Variants in SEMA7A observed in about 807,000 individuals in gnomAD.
SEMA7A encodes semaphorin 7A (JohnMiltonHagen blood group).
SEMA7A carries 21 observed loss-of-function variants against 67.5 expected under a neutral mutation model. The observed-to-expected ratio is 0.31, with a 90% CI of 0.22 to 0.45. The LOEUF (loss-of-function observed/expected upper bound fraction) is 0.45. Ranked by LOEUF, SEMA7A falls within the 20% of genes least tolerant of loss-of-function variation. SEMA7A has a pLI of 1.00. For synonymous variants in SEMA7A, 364 were observed against 368.5 expected (o/e 0.99, Z 0.14); for missense variants, 774 against 908.6 (o/e 0.85, Z 1.90).
At position 74,415,963 on chromosome 15, in the gene SEMA7A, G is replaced by A. The variant is rs773600409; in HGVS notation, c.824C>T (p.Ser275Leu). 1 of 1,614,038 alleles carries A rather than the reference G, an allele frequency of 6.2e-7. No homozygotes were observed. Among genetic ancestry groups the A allele is most frequent in the Non-Finnish European group, 8.5e-7 (1 of 1,179,948 alleles). ...LCRGDQGGES[S>L]LSVSKWNTFL... ...AGTGTTCCACTTGGAGACTGACAGT[G>A]AACTTTCCCCACCCTGGTCCCCCTG... Residue 275 changes from serine (S) to leucine (L), a missense_variant, in exon 8 of 14, where the codon TCA becomes TTA. By Grantham distance (145) the Ser-to-Leu change is moderately radical (BLOSUM62 -2). Coordinates refer to ENST00000261918, the MANE Select transcript of SEMA7A (RefSeq NM_003612.5).
chr15:74,428,945 T>G (rs1370485), intron 1 of SEMA7A, among the ~76,000 whole-genome samples: 13,665 of 152,204 alleles, frequency 0.09, 988 homozygotes, highest in African/African-American at 0.2. Flanking sequence ...GCCGTGGCCC[T>G]CCATCCCCCT....
chr15:74,415,767 T>C (rs777103136), intron 8 of SEMA7A, 34 bp downstream of exon 8: 5 of 1,579,612 alleles, frequency 3.2e-6, no homozygotes, highest in African/African-American at 1.3e-5. Context: ...ACTGAACCAA[T>C]GCCAGCCCCG....
At chr15:74,418,100 C>T in intron 3 of SEMA7A, 131 bp from the exon 4 acceptor site, 1 of 1,190,572 alleles carries the variant, frequency 8.4e-7, no homozygotes, top group East Asian at 2.4e-5. Context: ...CCTCCCGGGA[C>T]AGCCCAGAGT....
intron 1 of SEMA7A, among the ~76,000 whole-genome samples, chr15:74,425,175 G>A (rs1002396550): frequency 2.0e-5 from 3 of 152,244 alleles, no homozygotes; most frequent in African/African-American, 7.2e-5. Flanking sequence ...AGAGGAGGAG[G>A]AGGAAGATGA....
intron 8 of SEMA7A, 111 bp downstream of exon 8, chr15:74,415,690 C>CA: frequency 1.8e-6 from 2 of 1,099,214 alleles, no homozygotes; most frequent in Non-Finnish European, 2.6e-6. Flanking sequence ...CTTGAGCCTG[C>CA]AGCCCCTGCT....
chr15:74,431,718 G>A (rs1596202833), intron 1 of SEMA7A, among the ~76,000 whole-genome samples: 1 of 152,372 alleles, frequency 6.6e-6, no homozygotes, highest in East Asian at 1.9e-4. Flanking sequence ...GGAGACAGGA[G>A]GCAGCTGTCA....
chr15:74,429,935 G>A (rs542126150), intron 1 of SEMA7A, among the ~76,000 whole-genome samples: 2 of 152,164 alleles, frequency 1.3e-5, no homozygotes, highest in South Asian at 4.2e-4. Context: ...CTTCCAGGAA[G>A]CCCTCCCTGA....
chr15:74,418,604 T>C lies in SEMA7A; in HGVS notation c.330+197A>G, dbSNP rs28362910. On this transcript the variant is annotated intron_variant, in intron 2 of 13. Coordinates refer to ENST00000261918, the MANE Select transcript of SEMA7A (RefSeq NM_003612.5). ...TGGCCAGGCCCATTAGCTCCTGTTT[T>C]TCTCCACACCGCCCCAGCTCCCCAC... 1.5e-3 allele frequency among the ~76,000 whole-genome samples: 232 copies of C among 152,306 alleles called. 2 individuals carry two copies. The highest frequency in any genetic ancestry group is 5.0e-3 in the African/African-American group (209 of 41,566).
intron 1 of SEMA7A, among the ~76,000 whole-genome samples, chr15:74,432,096 TG>T (rs1157185460): frequency 5.1e-4 from 4 of 7,804 alleles, no homozygotes; most frequent in African/African-American, 2.2e-3. Context: ...TTAAGTGGGG[TG>T]GGGGTGGGGG....
At chr15:74,427,622 T>G (rs1596199788) in intron 1 of SEMA7A, among the ~76,000 whole-genome samples, 1 of 152,298 alleles carries the variant, frequency 6.6e-6, no homozygotes, top group African/African-American at 2.4e-5. Flanking sequence ...TGAGACTCTG[T>G]ACAAACAACA....
intron 1 of SEMA7A, among the ~76,000 whole-genome samples, chr15:74,429,459 G>A (rs950878839): frequency 9.2e-5 from 14 of 152,228 alleles, no homozygotes; most frequent in African/African-American, 3.4e-4. Flanking sequence ...CATCTCTGCA[G>A]AGGAAGAGCA....
At chr15:74,429,723 G>A (rs2061071707) in intron 1 of SEMA7A, among the ~76,000 whole-genome samples, 3 of 152,052 alleles carry the variant, frequency 2.0e-5, no homozygotes, top group Admixed American at 2.0e-4. Context: ...TGCCCATCTG[G>A]ACAAGTTTCA....
intron 1 of SEMA7A, chr15:74,427,396 C>A (rs1375405087): frequency 2.0e-6 from 2 of 985,296 alleles, no homozygotes; most frequent in Non-Finnish European, 2.4e-6. Flanking sequence ...GTGCAGAAGT[C>A]ATCACAGTGA....
chr15:74,412,022 G>A lies in SEMA7A; in HGVS notation c.1295-10C>T, dbSNP rs759086411. 4 of 1,613,650 alleles carry A rather than the reference G, an allele frequency of 2.5e-6. No individual in the cohort carries two copies. Among genetic ancestry groups the A allele is most frequent in the Non-Finnish European group, 2.5e-6 (3 of 1,179,960 alleles). On this transcript the variant is annotated splice_polypyrimidine_tract_variant and intron_variant, in intron 10 of 13. Coordinates refer to ENST00000261918, the MANE Select transcript of SEMA7A (RefSeq NM_003612.5). ...TGGATAGTGCCCCTGTCTGTGTATG[G>A]TGGACAGAGGGTCAGTGGGCGGGAG...
intron 1 of SEMA7A, among the ~76,000 whole-genome samples, chr15:74,433,376 G>A (rs1488225735): frequency 2.6e-5 from 4 of 152,072 alleles, no homozygotes; most frequent in South Asian, 2.1e-4. Context: ...TCCCAGGCGG[G>A]GAAAGGTCCT....
rs1183686606 is a variant in SEMA7A at position 74,415,676 on chromosome 15, G to A, written c.986+125C>T. 4.2e-6 allele frequency: 4 copies of A among 950,030 alleles called. No individual in the cohort carries two copies. The East Asian group carries it at 1.1e-4, about 25-fold the overall frequency. The allele number at this position is 950,030 out of a possible 1,614,324, so 58.9% of individuals were successfully genotyped here. A position where few individuals can be genotyped will look rare whatever the true frequency, so the allele number is the denominator to read the frequency against. On this transcript the variant is annotated intron_variant, in intron 8 of 13. Transcript: ENST00000261918. ...CCACCCCACACCCAGCAACAGCCCA[G>A]CCTCTTGAGCCTGCAGCCCCTGCTC...
At chr15:74,422,303 G>A (rs571104713) in intron 1 of SEMA7A, among the ~76,000 whole-genome samples, 3 of 152,012 alleles carry the variant, frequency 2.0e-5, no homozygotes, top group South Asian at 2.1e-4. Context: ...AAGGAGCACC[G>A]TCTGGCACCG....
Position 74,414,927 on chromosome 15 carries a change from C to T in SEMA7A, c.1006G>A (p.Val336Met), listed in dbSNP as rs746607078. 7.4e-6 allele frequency: 12 copies of T among 1,614,008 alleles called. No homozygotes were observed. In the African/African-American group the frequency reaches 1.3e-4, roughly 18 times the overall value. Reference sequence around the variant, plus strand: ...TTGTCAATGTCACCGAGGGAATACACACAGACGGCTGAGTAGTTCCTGCAG... The same window carrying T: ...TTGTCAATGTCACCGAGGGAATACATACAGACGGCTGAGTAGTTCCTGCAG... The part of the protein sequence containing the change: ...SNPWNYSAVC[V>M]YSLGDIDKVF... The change falls in exon 9 of 14, where the codon GTG becomes ATG. Residue 336 changes from valine (V) to methionine (M), a missense_variant. By Grantham distance (21) the Val-to-Met change is conservative (BLOSUM62 1). Transcript: ENST00000261918. This position sits in a 1 kb window ranked among gnomAD's most constrained non-coding sequence, Gnocchi z 4.1.
At position 74,414,384 on chromosome 15, in the gene SEMA7A, G is replaced by C. The variant is rs1355018154; in HGVS notation, c.1294+163C>G. On this transcript the variant is annotated intron_variant, in intron 10 of 13. Coordinates refer to ENST00000261918, the MANE Select transcript of SEMA7A (RefSeq NM_003612.5). This position sits in a 1 kb window ranked among gnomAD's most constrained non-coding sequence, Gnocchi z 4.1. ...CTACCTCCTCCAGGAAGCTCTCCCT[G>C]CCTGACTCTTCCACACCCACACACA... Among the ~76,000 whole-genome samples the C allele has an allele frequency of 6.6e-6, 1 of 152,040 alleles. No individual in the cohort carries two copies. Among genetic ancestry groups the C allele is most frequent in the Admixed American group, 6.5e-5 (1 of 15,272 alleles).
Sources: gnomAD v4.1 joint callset for allele counts (sites outside exome capture counted in the v4.1 genomes callset) on GRCh38, gnomAD v4.1.1 for gene constraint, Gnocchi (gnomAD v3.1) non-coding constraint, MANE v1.5 for transcripts, NCBI Gene and HGNC (gene_info 2026-07-23, HGNC 2026-07-21) for gene names.